The following MDH2 variants were observed in gnomAD, a reference collection of about 807,000 sequenced individuals.
MDH2 encodes the protein malate dehydrogenase, mitochondrial.
Under a neutral mutation model 33.6 loss-of-function variants are expected in MDH2, and 25 were observed. The observed-to-expected ratio is 0.74, with a 90% CI of 0.54 to 1.04. The LOEUF is 1.04. Among genes scored for constraint, MDH2 ranks in the 50% least tolerant of loss-of-function variants. The pLI, the probability that MDH2 is intolerant of heterozygous loss-of-function variation, is 0.00. For synonymous variants in MDH2, 193 were observed against 188.7 expected, an observed-to-expected ratio of 1.02 and a Z score of -0.19; for missense variants, 432 against 445.0, an observed-to-expected ratio of 0.97 and a Z score of 0.26.
chr7:76,058,140 G>A, intron 4 of MDH2, 62 bp downstream of exon 4: 1 of 1,452,386 alleles, frequency 6.9e-7, no homozygotes, highest in Non-Finnish European at 9.5e-7. Flanking sequence ...GACAGTGCGT[G>A]AAAAGCTCAC....
intron 5 of MDH2, among the ~76,000 whole-genome samples, chr7:76,061,219 T>G (rs1217835445): frequency 1.3e-5 from 2 of 152,198 alleles, no homozygotes; most frequent in African/African-American, 4.8e-5. Flanking sequence ...CTTCAGGCCT[T>G]TTTGTTCTGA....
intron 4 of MDH2, 60 bp downstream of exon 4, chr7:76,058,138 G>A (rs1042355760): frequency 1.7e-5 from 25 of 1,460,896 alleles, no homozygotes; most frequent in South Asian, 2.3e-5. Context: ...CTGACAGTGC[G>A]TGAAAAGCTC....
chr7:76,061,684 G>A (rs779914039), intron 5 of MDH2, among the ~76,000 whole-genome samples: 7 of 151,774 alleles, frequency 4.6e-5, no homozygotes, highest in Non-Finnish European at 8.8e-5. Flanking sequence ...GGTGAGCGCA[G>A]GTGTATGTCC....
Position 76,058,232 on chromosome 7 carries a change from A to G in MDH2, c.429+154A>G. On this transcript the variant is annotated intron_variant, in intron 4 of 8. Transcript: ENST00000315758. Reference sequence around the variant, plus strand: ...GGGCTGAAATGGAGAGGTCGGGTGCACTAAGCAGAGGCCCGTCCGTGCACT... The same window carrying G: ...GGGCTGAAATGGAGAGGTCGGGTGCGCTAAGCAGAGGCCCGTCCGTGCACT... 5.9e-6 allele frequency: 4 copies of G among 677,954 alleles called. No homozygotes were observed. In the South Asian group the frequency reaches 7.2e-5, roughly 12 times the overall value. 42.0% of individuals were successfully genotyped at this position (677,954 alleles called of 1,614,324 possible).
intron 1 of MDH2, among the ~76,000 whole-genome samples, chr7:76,052,849 TA>T: frequency 6.6e-6 from 1 of 152,146 alleles, no homozygotes; most frequent in South Asian, 2.1e-4. Context: ...GCCCAGAAGA[TA>T]TTTTTTTAAA....
intron 8 of MDH2, among the ~76,000 whole-genome samples, chr7:76,065,863 C>T (rs782610196): frequency 1.3e-5 from 2 of 152,160 alleles, no homozygotes; most frequent in East Asian, 1.9e-4. Context: ...TACCAACCTG[C>T]GGGGAGAGAC....
intron 5 of MDH2, among the ~76,000 whole-genome samples, chr7:76,061,084 G>A (rs1033276869): frequency 2.0e-5 from 3 of 152,100 alleles, no homozygotes; most frequent in East Asian, 1.9e-4. Context: ...GCTTGAGCTC[G>A]GCTTGGTTTG....
chr7:76,059,427 C>T (rs781913383), intron 4 of MDH2, among the ~76,000 whole-genome samples: 5 of 152,194 alleles, frequency 3.3e-5, no homozygotes, highest in Non-Finnish European at 7.3e-5. Context: ...CACACACAGT[C>T]GCGGACACAC....
chr7:76,058,354 C>A (rs782399639), intron 4 of MDH2, among the ~76,000 whole-genome samples: 7 of 152,192 alleles, frequency 4.6e-5, no homozygotes, highest in Non-Finnish European at 7.3e-5. Context: ...AGTTTCCCCA[C>A]CTGAAGAGAA....
chr7:76,054,660 G>C, intron 1 of MDH2, 170 bp from the exon 2 acceptor site: 1 of 778,556 alleles, frequency 1.3e-6, no homozygotes, highest in Non-Finnish European at 2.1e-6. Flanking sequence ...GTGGACCTTT[G>C]GAATGAAGGT....
intron 8 of MDH2, among the ~76,000 whole-genome samples, chr7:76,065,489 G>A (rs1205147564): frequency 2.0e-5 from 3 of 152,146 alleles, no homozygotes; most frequent in East Asian, 3.9e-4. Context: ...AAAGTAATAT[G>A]GCTCACTGGG....
Position 76,057,500 on chromosome 7 carries a change from G to A in MDH2, c.319+7G>A. 1 of 1,614,020 alleles carries A rather than the reference G, an allele frequency of 6.2e-7. No homozygotes were observed. The highest frequency in any genetic ancestry group is 8.5e-7 in the Non-Finnish European group (1 of 1,179,928). On this transcript the variant is annotated splice_region_variant and intron_variant, in intron 3 of 8. Coordinates refer to ENST00000315758, the MANE Select transcript of MDH2 (RefSeq NM_005918.4). ...GGAGTCCCCAGAAAGCCAGGTTTGT[G>A]TTTGAAAGCCTTGTCTGGTACCTCC...
chr7:76,059,653 A>G (rs1554586725), intron 4 of MDH2, among the ~76,000 whole-genome samples: 1 of 152,184 alleles, frequency 6.6e-6, no homozygotes, highest in Non-Finnish European at 1.5e-5. Context: ...GTGAAGGGGC[A>G]GGGACCATGA....
intron 4 of MDH2, among the ~76,000 whole-genome samples, chr7:76,059,242 C>T (rs962432027): frequency 9.9e-5 from 15 of 152,194 alleles, no homozygotes; most frequent in African/African-American, 3.4e-4. Flanking sequence ...CTGCGCCCAG[C>T]CAGTTTAAAA....
At chr7:76,055,892 A>G (rs544362939) in intron 2 of MDH2, among the ~76,000 whole-genome samples, 2 of 151,116 alleles carry the variant, frequency 1.3e-5, no homozygotes, top group Non-Finnish European at 2.9e-5. Flanking sequence ...CAGTGGCACA[A>G]TCTTGGCTTA....
intron 5 of MDH2, among the ~76,000 whole-genome samples, chr7:76,061,016 G>C (rs1285491627): frequency 1.3e-5 from 2 of 152,152 alleles, no homozygotes; most frequent in African/African-American, 4.8e-5. Context: ...GGAGAGTCCA[G>C]GCCTGGCCAG....
chr7:76,060,369 C>T lies in MDH2; in HGVS notation c.430-4C>T, dbSNP rs782511523. The T allele has an allele frequency of 2.5e-6, 4 of 1,613,894 alleles. No individual in the cohort carries two copies. The East Asian group carries it at 8.9e-5, about 36-fold the overall frequency. ...AAGCCATGCCTGTCTGTTGGATGTCCTAGGTTAATTCCACCATCCCCATCA... is the reference window on the plus strand; with the variant it reads ...AAGCCATGCCTGTCTGTTGGATGTCTTAGGTTAATTCCACCATCCCCATCA... On this transcript the variant is annotated splice_region_variant and splice_polypyrimidine_tract_variant and intron_variant, in intron 4 of 8. Transcript: ENST00000315758.
intron 1 of MDH2, among the ~76,000 whole-genome samples, chr7:76,052,066 T>C (rs1365351790): frequency 1.3e-5 from 2 of 152,218 alleles, no homozygotes; most frequent in Non-Finnish European, 2.9e-5. Flanking sequence ...TGAGGCAGTC[T>C]TCTTCCCCTC....
chr7:76,054,184 T>C (rs1320095445), intron 1 of MDH2, among the ~76,000 whole-genome samples: 1 of 152,132 alleles, frequency 6.6e-6, no homozygotes, highest in Non-Finnish European at 1.5e-5. Context: ...GAGCCCGAGA[T>C]GACAGATCTG....
Sources: gnomAD v4.1 joint callset for allele counts (sites outside exome capture counted in the v4.1 genomes callset) on GRCh38, gnomAD v4.1.1 for gene constraint, MANE v1.5 for transcripts, NCBI Gene and HGNC (gene_info 2026-07-23, HGNC 2026-07-21) for gene names.